KDM4B: variants seen among roughly 807,000 people sequenced by gnomAD.
KDM4B encodes lysine demethylase 4B.
KDM4B carries 32 observed loss-of-function variants against 125.2 expected under a neutral mutation model. The observed-to-expected ratio is 0.26, with a 90% CI of 0.19 to 0.34. KDM4B has a LOEUF of 0.34. Ranked by LOEUF, KDM4B falls within the 10% of genes least tolerant of loss-of-function variation. KDM4B has a pLI of 1.00. For missense variants in KDM4B, 1,190 were observed against 1,577.7 expected (o/e 0.75, Z 4.16); for synonymous variants, 721 against 677.9 (o/e 1.06, Z -0.99).
intron 2 of KDM4B, among the ~76,000 whole-genome samples, chr19:5,020,090 G>C (rs868044972): frequency 1.5e-4 from 22 of 144,532 alleles, no homozygotes; most frequent in African/African-American, 5.7e-4. Flanking sequence ...TGTGGATGTT[G>C]GTGTGCAGGT....
chr19:5,055,588 G>T, intron 6 of KDM4B, among the ~76,000 whole-genome samples: 1 of 152,070 alleles, frequency 6.6e-6, no homozygotes, highest in Non-Finnish European at 1.5e-5. Flanking sequence ...CCCGCAGCAG[G>T]CGAGTGTCAG....
intron 11 of KDM4B, among the ~76,000 whole-genome samples, chr19:5,123,393 T>C (rs1376621880): frequency 6.6e-6 from 1 of 152,194 alleles, no homozygotes; most frequent in Non-Finnish European, 1.5e-5. Flanking sequence ...AGCACCTTTG[T>C]GTTCCCGTGT....
At position 5,142,516 on chromosome 19, in the gene KDM4B, G is replaced by C. The variant is rs989758192; in HGVS notation, c.2551-1451G>C. Among the ~76,000 whole-genome samples, 4 of 152,184 alleles carry C rather than the reference G, an allele frequency of 2.6e-5. No individual in the cohort carries two copies. Among genetic ancestry groups the C allele is most frequent in the Non-Finnish European group, 2.9e-5 (2 of 68,014 alleles). ...GCTGCCTGCTACCACGAGGCGGAAG[G>C]GGATGGTGCTGGGCACCAGCCTGCC... On this transcript the variant is annotated intron_variant, in intron 18 of 22. Coordinates refer to ENST00000159111, the MANE Select transcript of KDM4B (RefSeq NM_015015.3). The surrounding 1 kb of genome is among the most constrained non-coding windows in gnomAD (Gnocchi z 5.4).
rs769442262 is a variant in KDM4B at position 5,040,031 on chromosome 19, C to T, written c.317+20C>T. On this transcript the variant is annotated intron_variant, in intron 4 of 22. Transcript: ENST00000159111. ...CGAGAAGTACGCGGGGCGGGCAGGG[C>T]GGACCTGACCCCCGCCCCCGGGGGC... The T allele has an allele frequency of 1.6e-5, 26 of 1,592,578 alleles. No individual in the cohort carries two copies. The highest frequency in any genetic ancestry group is 1.4e-4 in the Admixed American group (8 of 58,376).
intron 9 of KDM4B, among the ~76,000 whole-genome samples, chr19:5,087,505 G>C (rs960775462): frequency 6.6e-6 from 1 of 152,210 alleles, no homozygotes; most frequent in African/African-American, 2.4e-5. Flanking sequence ...TTGGAGGCAG[G>C]ATTGGCCCCA....
intron 1 of KDM4B, among the ~76,000 whole-genome samples, chr19:4,986,972 T>TG (rs2034855735): frequency 6.6e-6 from 1 of 151,924 alleles, no homozygotes; most frequent in Non-Finnish European, 1.5e-5. Flanking sequence ...TTTTTTTTTT[T>TG]GTGAGACGGA....
intron 1 of KDM4B, among the ~76,000 whole-genome samples, chr19:5,014,261 C>T (rs2035820347): frequency 6.6e-6 from 1 of 152,180 alleles, no homozygotes; most frequent in Non-Finnish European, 1.5e-5. Context: ...CATGCTACCA[C>T]ACCCGGCTAA....
At chr19:5,037,803 G>A in intron 3 of KDM4B, among the ~76,000 whole-genome samples, 1 of 152,184 alleles carries the variant, frequency 6.6e-6, no homozygotes, top group East Asian at 1.9e-4. Context: ...TGTCCCCTGG[G>A]GGACAAGACC....
intron 9 of KDM4B, among the ~76,000 whole-genome samples, chr19:5,107,563 C>A (rs2039059015): frequency 6.6e-6 from 1 of 152,180 alleles, no homozygotes; most frequent in South Asian, 2.1e-4. Flanking sequence ...TGGTGAGGCT[C>A]CCTCCGGCCT....
At chr19:5,004,342 T>C (rs2035488925) in intron 1 of KDM4B, among the ~76,000 whole-genome samples, 1 of 152,146 alleles carries the variant, frequency 6.6e-6, no homozygotes, top group African/African-American at 2.4e-5. Context: ...CGCTCCCTCC[T>C]CACCCGGCCT....
chr19:5,088,957 A>T (rs778723765), intron 9 of KDM4B, among the ~76,000 whole-genome samples: 32 of 152,180 alleles, frequency 2.1e-4, no homozygotes, highest in Non-Finnish European at 4.6e-4. Context: ...AGCCAGACCC[A>T]GAGGCTACAC....
In KDM4B at chr19:5,137,629, C is replaced by T. The variant is rs1177561896; in HGVS notation, c.2394C>T (p.Cys798=). 3 of 1,603,566 alleles carry T rather than the reference C, an allele frequency of 1.9e-6. No individual in the cohort carries two copies. In the East Asian group the frequency reaches 6.7e-5, roughly 36 times the overall value. Reference sequence around the variant, plus strand: ...CTGTCTGGTCTCCACAGGAGTGCTGCCTGTGCAACCTGCGAGGAGGTGCGC... The same window carrying T: ...CTGTCTGGTCTCCACAGGAGTGCTGTCTGTGCAACCTGCGAGGAGGTGCGC... ...CAAHAWTAEC[C]LCNLRGGALQ... The change falls in exon 17 of 23, where the codon TGC becomes TGT. Residue 798 remains cysteine (C), a synonymous_variant. Coordinates refer to ENST00000159111, the MANE Select transcript of KDM4B (RefSeq NM_015015.3).
intron 9 of KDM4B, among the ~76,000 whole-genome samples, chr19:5,103,323 T>C (rs572881608): frequency 6.6e-6 from 1 of 152,250 alleles, no homozygotes; most frequent in Non-Finnish European, 1.5e-5. Context: ...CTGATTTGTA[T>C]TTTTTCATGC....
chr19:5,146,577 C>T (rs1222835961), intron 21 of KDM4B, among the ~76,000 whole-genome samples: 3 of 152,166 alleles, frequency 2.0e-5, no homozygotes, highest in Non-Finnish European at 2.9e-5. Flanking sequence ...TCCCAGGCAG[C>T]AGCAAAAGAG....
chr19:5,110,442 A>G (rs540518965), intron 9 of KDM4B, among the ~76,000 whole-genome samples, 180 bp from the exon 10 acceptor site: 1 of 152,344 alleles, frequency 6.6e-6, no homozygotes, highest in Admixed American at 6.5e-5. Context: ...ACTGCACTCC[A>G]GCCTGGGCGA....
intron 11 of KDM4B, among the ~76,000 whole-genome samples, chr19:5,125,483 C>T (rs530082503): frequency 1.1e-4 from 16 of 152,340 alleles, no homozygotes; most frequent in South Asian, 4.1e-4. Flanking sequence ...ACCAATGGCT[C>T]GTCCAGCTGC....
intron 5 of KDM4B, among the ~76,000 whole-genome samples, chr19:5,042,931 G>C (rs2036869075): frequency 6.7e-6 from 1 of 149,362 alleles, no homozygotes; most frequent in Non-Finnish European, 1.5e-5. Flanking sequence ...TTTACACAAA[G>C]TTTTTAATAA....
At chr19:5,022,872 A>C (rs899291603) in intron 2 of KDM4B, among the ~76,000 whole-genome samples, 3 of 150,830 alleles carry the variant, frequency 2.0e-5, no homozygotes, top group South Asian at 4.2e-4. Context: ...TTTTTTTTGA[A>C]GTTTTAATTT....
rs918065356 is a variant in KDM4B at position 5,114,346 on chromosome 19, T to C, written c.1115+3528T>C. 2 of 728,988 alleles carry C rather than the reference T, an allele frequency of 2.7e-6. No individual in the cohort carries two copies. The highest frequency in any genetic ancestry group is 2.1e-6 in the Non-Finnish European group (1 of 476,678). 45.2% of individuals were successfully genotyped at this position (728,988 alleles called of 1,614,324 possible). A position where few individuals can be genotyped will look rare whatever the true frequency, so the allele number is the denominator to read the frequency against. ...CTACCCCTCCGAGCTCGGTGCTGCC[T>C]GTCCCCTCCTGCTCTGCCTTGGCCT... On this transcript the variant is annotated intron_variant, in intron 10 of 22. Transcript: ENST00000159111. This position sits in a 1 kb window ranked among gnomAD's most constrained non-coding sequence, Gnocchi z 5.8.
Sources: gnomAD v4.1 joint callset for allele counts (sites outside exome capture counted in the v4.1 genomes callset) on GRCh38, gnomAD v4.1.1 for gene constraint, Gnocchi (gnomAD v3.1) non-coding constraint, MANE v1.5 for transcripts, NCBI Gene and HGNC (gene_info 2026-07-23, HGNC 2026-07-21) for gene names.